Variants in PCCB observed in about 807,000 individuals in gnomAD.
PCCB encodes the protein propionyl-CoA carboxylase subunit beta.
In PCCB, 43 loss-of-function variants were observed where a neutral mutation model predicts 60.7. That is an observed-to-expected ratio of 0.71 (90% CI 0.55 to 0.91). The LOEUF (loss-of-function observed/expected upper bound fraction) is 0.91. PCCB is among the 40% of genes least tolerant of loss of function. The pLI, the probability that PCCB is intolerant of heterozygous loss-of-function variation, is 0.00. For missense variants in PCCB, 766 were observed against 702.8 expected (o/e 1.09, Z -1.02); for synonymous variants, 276 against 255.9 (o/e 1.08, Z -0.75).
rs1431643380 is a variant in PCCB, at chr3:136,251,263, G to C, written c.183+705G>C. The stretch of plus-strand genomic sequence containing the variant: ...GAGGCGAGAATCCAGCTGGCCTTCA[G>C]AGATAAGCTGGGCGGCCCATTTTGG... On this transcript the variant is annotated intron_variant, in intron 1 of 14. Coordinates refer to ENST00000251654, the MANE Select transcript of PCCB (RefSeq NM_000532.5). The C allele has an allele frequency of 6.6e-6, 3 of 456,612 alleles. No individual in the cohort carries two copies. The East Asian group carries it at 2.1e-4, about 32-fold the overall frequency. 28.3% of individuals were successfully genotyped at this position (456,612 alleles called of 1,614,324 possible).
chr3:136,301,718 A>G (rs1345487246), intron 9 of PCCB, among the ~76,000 whole-genome samples: 1 of 151,722 alleles, frequency 6.6e-6, no homozygotes, highest in Non-Finnish European at 1.5e-5. Context: ...CTCTCTGGTA[A>G]CTCTAGAAGT....
Position 136,264,440 on chromosome 3 carries a change from G to GTGTATATATATATATATATATA in PCCB, c.543+2376_543+2377insGTATATATATATATATATATAT. 7.8e-3 allele frequency among the ~76,000 whole-genome samples: 967 copies of GTGTATATATATATATATATATA among 123,550 alleles called. 62 individuals are homozygous for GTGTATATATATATATATATATA. The highest frequency in any genetic ancestry group is 0.024 in the African/African-American group (794 of 32,944). 81.1% of individuals were successfully genotyped at this position (123,550 alleles called of 152,430 possible). ...CTGTCTCTCATATATATGTGTGTGT[G>GTGTATATATATATATATATATA]TATATATGTATATATATATATGTTC... On this transcript the variant is annotated intron_variant, in intron 5 of 14. Transcript: ENST00000251654.
chr3:136,256,593 C>A lies in PCCB; in HGVS notation c.342C>A (p.Ile114=), dbSNP rs773285541. 1.5e-5 allele frequency: 24 copies of A among 1,612,960 alleles called. No homozygotes were observed. The highest frequency in any genetic ancestry group is 2.0e-5 in the Non-Finnish European group (23 of 1,179,016). ...GDSVVTGRGR[I]NGRLVYVFSQ... ...GCGTGGTCACTGGACGAGGCCGAAT[C>A]AATGGAAGATTGGTTTATGTCTTCA... Residue 114 remains isoleucine (I), a synonymous_variant, in exon 3 of 15, where the codon ATC becomes ATA. Coordinates refer to ENST00000251654, the MANE Select transcript of PCCB (RefSeq NM_000532.5).
intron 9 of PCCB, among the ~76,000 whole-genome samples, chr3:136,315,263 C>T (rs529186582): frequency 1.3e-5 from 2 of 152,262 alleles, no homozygotes; most frequent in African/African-American, 2.4e-5. Flanking sequence ...AGTGGCCGGG[C>T]GCGGTGGCTC....
intron 5 of PCCB, among the ~76,000 whole-genome samples, chr3:136,269,867 C>CA (rs1942141281): frequency 8.4e-6 from 1 of 119,596 alleles, no homozygotes; most frequent in African/African-American, 3.3e-5. Context: ...GCCTGGGTGA[C>CA]AGAGTGAGAC....
intron 9 of PCCB, among the ~76,000 whole-genome samples, chr3:136,312,048 G>C (rs1934688225): frequency 6.6e-6 from 1 of 152,228 alleles, no homozygotes; most frequent in Non-Finnish European, 1.5e-5. Flanking sequence ...TTATATTACA[G>C]CATCCTATAG....
At chr3:136,326,771 A>T in intron 10 of PCCB, 32 bp from the exon 11 acceptor site, 1 of 1,391,500 alleles carries the variant, frequency 7.2e-7, no homozygotes, top group Non-Finnish European at 1.0e-6. Context: ...AATTGCCTGG[A>T]TACTCAGTAT....
chr3:136,317,284 T>G (rs1390181812), intron 10 of PCCB, among the ~76,000 whole-genome samples: 1 of 137,140 alleles, frequency 7.3e-6, no homozygotes, highest in East Asian at 2.6e-4. Flanking sequence ...TGCAGTGGTG[T>G]GATCTCAGCA....
At chr3:136,317,629 T>TA (rs1934956037) in intron 10 of PCCB, among the ~76,000 whole-genome samples, 1 of 152,198 alleles carries the variant, frequency 6.6e-6, no homozygotes. Flanking sequence ...TTCAATTTTT[T>TA]AGGGGTCAGT....
chr3:136,282,963 C>T (rs1443353811), intron 5 of PCCB, among the ~76,000 whole-genome samples: 1 of 152,124 alleles, frequency 6.6e-6, no homozygotes, highest in African/African-American at 2.4e-5. Context: ...CAATGCTGTC[C>T]AGTTGTTTTT....
At chr3:136,290,671 G>GTTTTTTGTTTTTTTTTTT (rs1933637850) in intron 6 of PCCB, among the ~76,000 whole-genome samples, 3 of 60,040 alleles carry the variant, frequency 5.0e-5, no homozygotes, top group South Asian at 8.5e-4. Context: ...TCTCTGTGTA[G>GTTTTTTGTTTTTTTTTTT]TTTTTTTTTT....
intron 6 of PCCB, among the ~76,000 whole-genome samples, chr3:136,288,364 G>A (rs749499672): frequency 7.3e-5 from 11 of 149,704 alleles, no homozygotes; most frequent in Non-Finnish European, 1.0e-4. Context: ...TTTATTTTTT[G>A]AGACGGAGTC....
intron 9 of PCCB, among the ~76,000 whole-genome samples, chr3:136,308,990 C>T (rs149403416): frequency 2.3e-4 from 35 of 152,148 alleles, no homozygotes; most frequent in South Asian, 4.1e-4. Flanking sequence ...AGGCCAGGTG[C>T]GGTGGCTCAC....
At chr3:136,308,476 A>G (rs1934530184) in intron 9 of PCCB, among the ~76,000 whole-genome samples, 1 of 152,244 alleles carries the variant, frequency 6.6e-6, no homozygotes, top group Admixed American at 6.5e-5. Flanking sequence ...AGGAGATTCA[A>G]CAGACTTAGG....
chr3:136,287,396 T>A (rs778319168), intron 6 of PCCB, among the ~76,000 whole-genome samples: 3 of 151,906 alleles, frequency 2.0e-5, no homozygotes, highest in Non-Finnish European at 4.4e-5. Context: ...GTGTAGTAAG[T>A]GTGTGTGTGT....
chr3:136,294,692 C>G (rs1481954096), intron 7 of PCCB, among the ~76,000 whole-genome samples: 1 of 152,146 alleles, frequency 6.6e-6, no homozygotes, highest in Non-Finnish European at 1.5e-5. Context: ...TCACTGTAGC[C>G]TCAGTCTTCC....
rs1476088563 is a variant in PCCB at position 136,306,334 on chromosome 3, G to T, written c.966+5223G>T. Among the ~76,000 whole-genome samples, 2 of 121,808 alleles carry T rather than the reference G, an allele frequency of 1.6e-5. 1 individual carries two copies. Among genetic ancestry groups the T allele is most frequent in the Non-Finnish European group, 3.7e-5 (2 of 54,648 alleles). The allele number at this position is 121,808 out of a possible 152,430, so 79.9% of individuals were successfully genotyped here. On this transcript the variant is annotated intron_variant, in intron 9 of 14. Transcript: ENST00000251654. ...CTAATGACAAGATGGAGAGATAATA[G>T]TAAGAAGTTAAAGCTGATTGAATTA... is the stretch of plus-strand genomic sequence containing the variant.
chr3:136,288,431 C>T (rs891581221), intron 6 of PCCB, among the ~76,000 whole-genome samples: 13 of 148,818 alleles, frequency 8.7e-5, no homozygotes, highest in African/African-American at 2.7e-4. Flanking sequence ...CTGCAACCTT[C>T]GGCTCCCAGG....
chr3:136,310,520 T>TCAAA (rs779927934), intron 9 of PCCB, among the ~76,000 whole-genome samples: 1 of 152,186 alleles, frequency 6.6e-6, no homozygotes, highest in Non-Finnish European at 1.5e-5. Flanking sequence ...AGACTCTGTC[T>TCAAA]CAAACAAACA....
Sources: gnomAD v4.1 joint callset for allele counts (sites outside exome capture counted in the v4.1 genomes callset) on GRCh38, gnomAD v4.1.1 for gene constraint, MANE v1.5 for transcripts, NCBI Gene and HGNC (gene_info 2026-07-23, HGNC 2026-07-21) for gene names.